TAFA2: variants seen among roughly 807,000 people sequenced by gnomAD.
The protein encoded by TAFA2 is TAFA chemokine like family member 2.
TAFA2 carries 7 observed loss-of-function variants against 18.8 expected under a neutral mutation model. The observed-to-expected ratio is 0.37, with a 90% CI of 0.21 to 0.70. The LOEUF is 0.70. TAFA2 is among the 30% of genes least tolerant of loss of function. The pLI, the probability that TAFA2 is intolerant of heterozygous loss-of-function variation, is 0.53. For synonymous variants in TAFA2, 60 were observed against 54.2 expected, an observed-to-expected ratio of 1.11 and a Z score of -0.47; for missense variants, 122 against 158.1, an observed-to-expected ratio of 0.77 and a Z score of 1.23.
intron 1 of TAFA2, among the ~76,000 whole-genome samples, chr12:62,050,600 A>G (rs1018204997): frequency 6.6e-6 from 1 of 152,106 alleles, no homozygotes; most frequent in African/African-American, 2.4e-5. Context: ...TACAAACTTT[A>G]CACAGCTCCA....
At chr12:62,146,442 C>A (rs2062281880) in intron 1 of TAFA2, among the ~76,000 whole-genome samples, 1 of 152,076 alleles carries the variant, frequency 6.6e-6, no homozygotes, top group Non-Finnish European at 1.5e-5. Context: ...CCACCACAAC[C>A]AGCTAATGTT....
At chr12:62,174,875 T>C (rs1002324310) in intron 1 of TAFA2, among the ~76,000 whole-genome samples, 2 of 152,224 alleles carry the variant, frequency 1.3e-5, no homozygotes, top group Admixed American at 6.5e-5. Context: ...ATAGCACTTA[T>C]CATAATTTGC....
At chr12:62,166,263 C>T (rs1198613202) in intron 1 of TAFA2, among the ~76,000 whole-genome samples, 3 of 152,030 alleles carry the variant, frequency 2.0e-5, no homozygotes, top group African/African-American at 7.2e-5. Flanking sequence ...AATTTGACAA[C>T]ATATTCTTTT....
At chr12:61,765,456 A>C (rs1869748489) in intron 2 of TAFA2, among the ~76,000 whole-genome samples, 1 of 152,142 alleles carries the variant, frequency 6.6e-6, no homozygotes. Context: ...TAGCTTAACT[A>C]ATATTCCTAG....
At position 62,233,039 on chromosome 12, in the gene TAFA2, T is replaced by C. The variant is rs2062818947; in HGVS notation, c.-130+25724A>G. On this transcript the variant is annotated intron_variant, in intron 1 of 5. Transcript: ENST00000551619. ...CTTACCCAATTGCAAGTCCTCACTATTTGTCCTCCCAGCAATTTCTGCATC... is the reference window on the plus strand; with the variant it reads ...CTTACCCAATTGCAAGTCCTCACTACTTGTCCTCCCAGCAATTTCTGCATC... 3.3e-5 allele frequency among the ~76,000 whole-genome samples: 5 copies of C among 150,138 alleles called. No individual in the cohort carries two copies. The South Asian group carries it at 1.1e-3, about 32-fold the overall frequency.
Position 62,049,919 on chromosome 12 carries a change from T to C in TAFA2, c.-2+141340A>G, listed in dbSNP as rs143846755. Among the ~76,000 whole-genome samples, 1,061 of 152,266 alleles carry C rather than the reference T, an allele frequency of 7.0e-3. 10 individuals are homozygous for C. Among genetic ancestry groups the C allele is most frequent in the South Asian group, 0.039 (186 of 4,822 alleles). On this transcript the variant is annotated intron_variant, in intron 1 of 4. Coordinates refer to ENST00000416284, the MANE Select transcript of TAFA2 (RefSeq NM_178539.5). ...GGAAAGTGTTGCTACCAATTGTCTA[T>C]AAAAGAAAGTGGCTTCGAAAAATTT...
intron 2 of TAFA2, among the ~76,000 whole-genome samples, chr12:61,756,243 A>G (rs1011774330): frequency 2.7e-4 from 41 of 152,094 alleles, no homozygotes; most frequent in Admixed American, 1.3e-3. Flanking sequence ...CAGCTTTGAC[A>G]TATAATCCTC....
intron 1 of TAFA2, among the ~76,000 whole-genome samples, chr12:62,158,809 T>C (rs2062388175): frequency 6.6e-6 from 1 of 152,232 alleles, no homozygotes; most frequent in African/African-American, 2.4e-5. Flanking sequence ...GTTAATCTCC[T>C]GAGTTGTCTC....
At chr12:62,131,036 A>C (rs1188711277) in intron 1 of TAFA2, among the ~76,000 whole-genome samples, 1 of 151,996 alleles carries the variant, frequency 6.6e-6, no homozygotes, top group Non-Finnish European at 1.5e-5. Flanking sequence ...GCTGACATAA[A>C]ATAACATGTT....
chr12:61,909,225 T>C (rs1876497363), intron 1 of TAFA2, among the ~76,000 whole-genome samples: 1 of 152,140 alleles, frequency 6.6e-6, no homozygotes, highest in Admixed American at 6.5e-5. Context: ...TGTGTAAAAA[T>C]GGAGGTGAGT....
chr12:62,202,437 C>A (rs1341350141), intron 1 of TAFA2, among the ~76,000 whole-genome samples: 2 of 151,896 alleles, frequency 1.3e-5, no homozygotes, highest in Non-Finnish European at 2.9e-5. Flanking sequence ...ACTTCTGCCT[C>A]CCAGTTCAAG....
At chr12:61,938,198 A>C (rs2121411885) in intron 1 of TAFA2, among the ~76,000 whole-genome samples, 1 of 150,246 alleles carries the variant, frequency 6.7e-6, no homozygotes, top group Admixed American at 6.7e-5. Context: ...CATCCATGTA[A>C]TCAACAACAA....
chr12:61,995,139 C>A lies in TAFA2; in HGVS notation c.-1-127713G>T, dbSNP rs1880142722. On this transcript the variant is annotated intron_variant, in intron 1 of 4. Coordinates refer to ENST00000416284, the MANE Select transcript of TAFA2 (RefSeq NM_178539.5). ...AACCCAACTTCCTTATAATGTTCTCCAAGGCTACACATAATCTCCCCTTTT... is the reference window on the plus strand; with the variant it reads ...AACCCAACTTCCTTATAATGTTCTCAAAGGCTACACATAATCTCCCCTTTT... Among the ~76,000 whole-genome samples, 2 of 152,318 alleles carry A rather than the reference C, an allele frequency of 1.3e-5. 1 individual carries two copies. Among genetic ancestry groups the A allele is most frequent in the Non-Finnish European group, 2.9e-5 (2 of 68,026 alleles).
intron 4 of TAFA2, among the ~76,000 whole-genome samples, chr12:61,750,689 T>G (rs1260880254): frequency 6.6e-6 from 1 of 152,166 alleles, no homozygotes; most frequent in Non-Finnish European, 1.5e-5. Context: ...TATTTCTGGC[T>G]GACTGCTATT....
chr12:62,168,272 G>C (rs539797618), intron 1 of TAFA2, among the ~76,000 whole-genome samples: 1 of 152,246 alleles, frequency 6.6e-6, no homozygotes, highest in East Asian at 1.9e-4. Context: ...CTGAGCATTA[G>C]TGGCTACTAG....
intron 2 of TAFA2, among the ~76,000 whole-genome samples, chr12:61,814,298 T>A (rs1296606851): frequency 6.6e-6 from 1 of 151,226 alleles, no homozygotes; most frequent in Admixed American, 6.6e-5. Flanking sequence ...TAGAGAGCTA[T>A]AGTGAGCAAG....
chr12:61,730,669 T>C (rs1870400475), intron 4 of TAFA2, among the ~76,000 whole-genome samples: 1 of 152,056 alleles, frequency 6.6e-6, no homozygotes, highest in Non-Finnish European at 1.5e-5. Flanking sequence ...TGCTGCTTCA[T>C]ACAGGTCACC....
intron 1 of TAFA2, among the ~76,000 whole-genome samples, chr12:62,184,551 T>C (rs534158498): frequency 5.7e-4 from 77 of 134,266 alleles, no homozygotes; most frequent in Admixed American, 5.1e-3. Flanking sequence ...CTAGAGTGCA[T>C]GGTGTGATCA....
chr12:61,806,415 C>A (rs1440591231), intron 2 of TAFA2, among the ~76,000 whole-genome samples: 4 of 152,142 alleles, frequency 2.6e-5, no homozygotes, highest in African/African-American at 9.7e-5. Context: ...GCTCTCCAAC[C>A]ACACGGAACT....
Sources: gnomAD v4.1 joint callset for allele counts (sites outside exome capture counted in the v4.1 genomes callset) on GRCh38, gnomAD v4.1.1 for gene constraint, MANE v1.5 for transcripts, NCBI Gene and HGNC (gene_info 2026-07-23, HGNC 2026-07-21) for gene names.